The following DACH2 variants were observed in gnomAD, a reference collection of about 807,000 sequenced individuals.
The protein encoded by DACH2 is dachshund homolog 2.
Under a neutral mutation model 35.8 loss-of-function variants are expected in DACH2, and 17 were observed. That is an observed-to-expected ratio of 0.48 (90% CI 0.33 to 0.71). The LOEUF (loss-of-function observed/expected upper bound fraction) is 0.71, where lower values mean the gene tolerates loss of function less well. DACH2 is among the 30% of genes least tolerant of loss of function. DACH2 has a pLI of 0.02. For missense variants in DACH2, 469 were observed against 472.7 expected (o/e 0.99, Z 0.07); for synonymous variants, 195 against 177.3 (o/e 1.10, Z -0.79).
intron 4 of DACH2, among the ~76,000 whole-genome samples, chrX:86,667,219 C>T (rs1381012559): frequency 1.0e-5 from 1 of 97,044 alleles, no homozygotes; most frequent in Non-Finnish European, 2.0e-5. Context: ...CTGCACTCCA[C>T]CCTGGATGAC....
At chrX:86,180,669 G>A (rs921689080) in intron 1 of DACH2, among the ~76,000 whole-genome samples, 44 of 111,215 alleles carry the variant, frequency 4.0e-4, no homozygotes, top group Non-Finnish European at 1.5e-4. Context: ...TGTGGCAGAC[G>A]CTTACTATAT....
At chrX:86,296,295 G>A (rs1271741644) in intron 1 of DACH2, among the ~76,000 whole-genome samples, 1 of 101,589 alleles carries the variant, frequency 9.8e-6, no homozygotes, top group Non-Finnish European at 2.0e-5. Context: ...GCAGGAGAAT[G>A]GCGTGAACCC....
chrX:86,499,109 A>C (rs1231125577), intron 2 of DACH2, among the ~76,000 whole-genome samples: 2 of 112,177 alleles, frequency 1.8e-5, no homozygotes, highest in Non-Finnish European at 3.8e-5. Flanking sequence ...CTTATTTTGA[A>C]AGTTCCTGCC....
At chrX:86,742,080 GA>G (rs1217536726) in intron 7 of DACH2, among the ~76,000 whole-genome samples, 4 of 110,351 alleles carry the variant, frequency 3.6e-5, no homozygotes, top group African/African-American at 1.3e-4. Context: ...TAATATCCTA[GA>G]AAAAAATGTT....
At chrX:86,196,047 G>A (rs1471531252) in intron 1 of DACH2, among the ~76,000 whole-genome samples, 2 of 111,583 alleles carry the variant, frequency 1.8e-5, no homozygotes, top group Non-Finnish European at 3.8e-5. Flanking sequence ...TCCTCCAAAT[G>A]ACCATACCAC....
At chrX:86,397,606 G>T (rs935770210) in intron 2 of DACH2, among the ~76,000 whole-genome samples, 1 of 111,842 alleles carries the variant, frequency 8.9e-6, no homozygotes, top group African/African-American at 3.3e-5. Context: ...ATGAAGGGTT[G>T]TTGAATTTTG....
chrX:86,634,853 C>G (rs1326988807), intron 3 of DACH2, among the ~76,000 whole-genome samples: 1 of 111,588 alleles, frequency 9.0e-6, no homozygotes, highest in African/African-American at 3.3e-5. Flanking sequence ...ATCAAAATGA[C>G]AGTACTGCCC....
At chrX:86,807,103 A>G (rs5969006) in intron 7 of DACH2, among the ~76,000 whole-genome samples, 5,527 of 111,428 alleles carry the variant, frequency 0.05, 381 homozygotes, top group African/African-American at 0.17. Context: ...CAGGCCTTCA[A>G]TGACTTGGAA....
intron 2 of DACH2, among the ~76,000 whole-genome samples, chrX:86,452,751 A>AT (rs1433947501): frequency 9.1e-6 from 1 of 109,901 alleles, no homozygotes; most frequent in African/African-American, 3.3e-5. Flanking sequence ...TATTTTATTA[A>AT]TTTTTTAAAA....
At chrX:86,765,381 T>G (rs762462567) in intron 7 of DACH2, among the ~76,000 whole-genome samples, 1 of 111,637 alleles carries the variant, frequency 9.0e-6, no homozygotes, top group Non-Finnish European at 1.9e-5. Context: ...CACTTACATT[T>G]TTAATCCATA....
In DACH2 at chrX:86,619,793, T is replaced by C. The variant is rs749574320; in HGVS notation, c.641-31243T>C. Among the ~76,000 whole-genome samples the C allele has an allele frequency of 2.0e-4, 22 of 112,095 alleles. 1 individual carries two copies. The highest frequency in any genetic ancestry group is 3.8e-4 in the Non-Finnish European group (20 of 53,191). On this transcript the variant is annotated intron_variant, in intron 3 of 11. Coordinates refer to ENST00000373125, the MANE Select transcript of DACH2 (RefSeq NM_053281.3). ...ATCTAGTTACTGTACCATGAAATGT[T>C]GCATTACAATCACTCTGATAATTTA...
intron 11 of DACH2, among the ~76,000 whole-genome samples, chrX:86,821,929 A>G (rs1055897620): frequency 6.3e-5 from 7 of 111,751 alleles, no homozygotes; most frequent in African/African-American, 2.3e-4. Flanking sequence ...AGTCTACAGG[A>G]GTAATTCACT....
chrX:86,773,525 A>G (rs890651611), intron 7 of DACH2, among the ~76,000 whole-genome samples: 3 of 112,209 alleles, frequency 2.7e-5, no homozygotes, highest in African/African-American at 9.7e-5. Flanking sequence ...CATTTCCTTC[A>G]AAGTATTTTT....
intron 3 of DACH2, among the ~76,000 whole-genome samples, chrX:86,575,350 G>A (rs757574231): frequency 9.1e-6 from 1 of 109,566 alleles, no homozygotes; most frequent in Non-Finnish European, 1.9e-5. Flanking sequence ...ATGCAATGGT[G>A]GGGGGGGAAG....
intron 5 of DACH2, among the ~76,000 whole-genome samples, chrX:86,712,549 C>A (rs1602835575): frequency 9.1e-6 from 1 of 110,146 alleles, no homozygotes; most frequent in East Asian, 2.9e-4. Context: ...TGTGTGTACA[C>A]ATATATAATA....
At chrX:86,777,002 G>C (rs1390056052) in intron 7 of DACH2, among the ~76,000 whole-genome samples, 1 of 111,640 alleles carries the variant, frequency 9.0e-6, no homozygotes, top group African/African-American at 3.3e-5. Context: ...GGACATTTGG[G>C]TTGGTTCCAA....
At chrX:86,549,294 A>G (rs1396798069) in intron 3 of DACH2, among the ~76,000 whole-genome samples, 1 of 111,414 alleles carries the variant, frequency 9.0e-6, no homozygotes, top group Non-Finnish European at 1.9e-5. Flanking sequence ...ATAATATGAT[A>G]CATGTTTAAA....
Position 86,541,164 on chromosome X carries a change from G to A in DACH2, c.640+26773G>A, listed in dbSNP as rs1007458947. Among the ~76,000 whole-genome samples, 7 of 111,843 alleles carry A rather than the reference G, an allele frequency of 6.3e-5. 1 individual carries two copies. The highest frequency in any genetic ancestry group is 2.3e-4 in the African/African-American group (7 of 30,845). On this transcript the variant is annotated intron_variant, in intron 3 of 11. Coordinates refer to ENST00000373125, the MANE Select transcript of DACH2 (RefSeq NM_053281.3). ...CAATGTTACACTGAAGACATATCAG[G>A]TTCTCATTTCTATTCTATTGAATTT...
In DACH2 at chrX:86,587,539, G is replaced by A. The variant is rs534395661; in HGVS notation, c.641-63497G>A. ...ACTTTTGCATATTCAGTATGATGTTGGATGTGGATTTGTCATCGATGGCTC... is the reference window on the plus strand; with the variant it reads ...ACTTTTGCATATTCAGTATGATGTTAGATGTGGATTTGTCATCGATGGCTC... On this transcript the variant is annotated intron_variant, in intron 3 of 11. Coordinates refer to ENST00000373125, the MANE Select transcript of DACH2 (RefSeq NM_053281.3). Among the ~76,000 whole-genome samples, 241 of 111,100 alleles carry A rather than the reference G, an allele frequency of 2.2e-3. 1 individual carries two copies. The highest frequency in any genetic ancestry group is 7.7e-3 in the African/African-American group (235 of 30,705).
Sources: gnomAD v4.1 joint callset for allele counts (sites outside exome capture counted in the v4.1 genomes callset) on GRCh38, gnomAD v4.1.1 for gene constraint, MANE v1.5 for transcripts, NCBI Gene and HGNC (gene_info 2026-07-23, HGNC 2026-07-21) for gene names.